Variants in PLXDC2 observed in about 807,000 individuals in gnomAD.
PLXDC2 encodes plexin domain containing 2.
A neutral mutation model predicts 68.9 loss-of-function variants in PLXDC2; 40 were observed. That is an observed-to-expected ratio of 0.58 (90% CI 0.45 to 0.76). The LOEUF (loss-of-function observed/expected upper bound fraction) is 0.76. Among genes scored for constraint, PLXDC2 ranks in the 30% least tolerant of loss-of-function variants. PLXDC2 has a pLI of 0.00. For synonymous variants in PLXDC2, 243 were observed against 234.2 expected, an observed-to-expected ratio of 1.04 and a Z score of -0.34; for missense variants, 644 against 661.9, an observed-to-expected ratio of 0.97 and a Z score of 0.30.
chr10:19,901,759 T>A (rs1170846546), intron 1 of PLXDC2, among the ~76,000 whole-genome samples: 1 of 152,194 alleles, frequency 6.6e-6, no homozygotes, highest in Non-Finnish European at 1.5e-5. Context: ...CCTAAGCCAA[T>A]GTCTGAAGGG....
intron 12 of PLXDC2, among the ~76,000 whole-genome samples, chr10:20,225,092 T>C (rs1835268516): frequency 6.6e-6 from 1 of 152,218 alleles, no homozygotes; most frequent in Non-Finnish European, 1.5e-5. Context: ...AAAACAGATA[T>C]ACTTTGAATG....
At chr10:20,155,903 A>T (rs1380410837) in intron 6 of PLXDC2, among the ~76,000 whole-genome samples, 3 of 152,130 alleles carry the variant, frequency 2.0e-5, no homozygotes, top group Admixed American at 2.0e-4. Flanking sequence ...TTTTTAAGAC[A>T]GAGTCTCATT....
intron 7 of PLXDC2, among the ~76,000 whole-genome samples, chr10:20,173,015 T>G (rs1834469580): frequency 6.6e-6 from 1 of 152,244 alleles, no homozygotes; most frequent in African/African-American, 2.4e-5. Flanking sequence ...CAACTCCAAC[T>G]AGCTAATTCT....
chr10:19,971,848 T>C (rs1834359852), intron 1 of PLXDC2, among the ~76,000 whole-genome samples: 3 of 152,152 alleles, frequency 2.0e-5, no homozygotes. Context: ...ACATGTGATA[T>C]AAGTCAGCAT....
chr10:20,053,287 C>G lies in PLXDC2; in HGVS notation c.471+6272C>G, dbSNP rs935819674. The stretch of plus-strand genomic sequence containing the variant: ...TTTGTTTAAATAACATTTCTTAAAT[C>G]ATTGCAAAATAAACAGATGCTAAAA... On this transcript the variant is annotated intron_variant, in intron 3 of 13. Coordinates refer to ENST00000377252, the MANE Select transcript of PLXDC2 (RefSeq NM_032812.9). 1.1e-4 allele frequency among the ~76,000 whole-genome samples: 17 copies of G among 152,166 alleles called. No individual in the cohort carries two copies. In the Middle Eastern group the frequency reaches 0.014, roughly 122 times the overall value.
intron 1 of PLXDC2, among the ~76,000 whole-genome samples, chr10:19,944,796 C>CA (rs1833874650): frequency 6.6e-6 from 1 of 151,930 alleles, no homozygotes; most frequent in African/African-American, 2.4e-5. Context: ...ACTAAAAATA[C>CA]AAAAAAATAG....
In PLXDC2 at chr10:20,289,797, T is replaced by C. The variant is rs753547096; in HGVS notation, c.*9978T>C. ...AAGAATCATACCTCTGTATAGATCT[T>C]TTGGACTGTACTGATTAAACTTTGA... On this transcript the variant is annotated 3_prime_UTR_variant, in exon 14 of 14. Transcript: ENST00000377252. 14 of 152,170 alleles carry C rather than the reference T, an allele frequency of 9.2e-5. No homozygotes were observed. Among genetic ancestry groups the C allele is most frequent in the African/African-American group, 3.4e-4 (14 of 41,416 alleles). The allele number at this position is 152,170 out of a possible 1,614,324, so 9.4% of individuals were successfully genotyped here.
chr10:20,069,585 T>G (rs980255931), intron 4 of PLXDC2, among the ~76,000 whole-genome samples: 7 of 151,964 alleles, frequency 4.6e-5, no homozygotes, highest in Non-Finnish European at 1.0e-4. Context: ...AGGCCAGGAG[T>G]TTGAGGCTGC....
intron 2 of PLXDC2, among the ~76,000 whole-genome samples, chr10:20,027,065 T>C (rs1835418007): frequency 7.2e-6 from 1 of 139,844 alleles, no homozygotes; most frequent in Non-Finnish European, 1.5e-5. Context: ...TAGAATACAC[T>C]TTTATAATAT....
At chr10:20,088,856 T>C (rs1833236101) in intron 4 of PLXDC2, among the ~76,000 whole-genome samples, 1 of 152,234 alleles carries the variant, frequency 6.6e-6, no homozygotes, top group South Asian at 2.1e-4. Context: ...GCTACTTTTA[T>C]ATTTGCTAAG....
intron 1 of PLXDC2, among the ~76,000 whole-genome samples, chr10:19,951,297 C>G (rs1350379612): frequency 6.6e-6 from 1 of 152,022 alleles, no homozygotes; most frequent in East Asian, 1.9e-4. Flanking sequence ...ATTCAACAAA[C>G]AAAGCAACCC....
intron 13 of PLXDC2, among the ~76,000 whole-genome samples, chr10:20,263,386 C>G (rs1835833103): frequency 1.3e-5 from 2 of 152,026 alleles, no homozygotes; most frequent in African/African-American, 4.8e-5. Context: ...TAAATAAAAA[C>G]CAAAAAACTA....
At chr10:19,949,118 T>A (rs1833953556) in intron 1 of PLXDC2, among the ~76,000 whole-genome samples, 1 of 111,498 alleles carries the variant, frequency 9.0e-6, no homozygotes, top group Admixed American at 9.5e-5. Flanking sequence ...AGAGCGAGAC[T>A]TTGTCAAAAA....
intron 7 of PLXDC2, among the ~76,000 whole-genome samples, chr10:20,165,163 A>C (rs1160865435): frequency 1.3e-5 from 2 of 152,124 alleles, no homozygotes; most frequent in Non-Finnish European, 2.9e-5. Flanking sequence ...TCTTTTATTA[A>C]TGAGAATGAC....
chr10:19,921,427 C>T (rs867850159), intron 1 of PLXDC2, among the ~76,000 whole-genome samples: 9 of 152,136 alleles, frequency 5.9e-5, no homozygotes, highest in Non-Finnish European at 1.2e-4. Flanking sequence ...ATAATGAGAA[C>T]CTCCCTTCTT....
chr10:19,953,388 G>T (rs541079449), intron 1 of PLXDC2, among the ~76,000 whole-genome samples: 2 of 152,264 alleles, frequency 1.3e-5, no homozygotes, highest in South Asian at 4.2e-4. Flanking sequence ...AGAAACACTG[G>T]ATGTATATAC....
chr10:20,134,408 TG>T (rs1833907328), intron 4 of PLXDC2, among the ~76,000 whole-genome samples: 1 of 152,208 alleles, frequency 6.6e-6, no homozygotes, highest in South Asian at 2.1e-4. Context: ...AGAAATTCTG[TG>T]CCAGCGGCTG....
At chr10:19,996,917 A>G (rs1471823675) in intron 1 of PLXDC2, among the ~76,000 whole-genome samples, 2 of 152,144 alleles carry the variant, frequency 1.3e-5, no homozygotes, top group Non-Finnish European at 2.9e-5. Context: ...CAGCATGGGA[A>G]AGACCTGCCT....
chr10:19,973,605 A>G (rs7921684), intron 1 of PLXDC2, among the ~76,000 whole-genome samples: 1 of 152,170 alleles, frequency 6.6e-6, no homozygotes, highest in Non-Finnish European at 1.5e-5. Flanking sequence ...CAAAAGACAT[A>G]CGTTTTAGGT....
Sources: gnomAD v4.1 joint callset for allele counts (sites outside exome capture counted in the v4.1 genomes callset) on GRCh38, gnomAD v4.1.1 for gene constraint, MANE v1.5 for transcripts, NCBI Gene and HGNC (gene_info 2026-07-23, HGNC 2026-07-21) for gene names.